Variants in TOR3A observed in about 807,000 individuals in gnomAD.
The protein encoded by TOR3A is torsin family 3 member A.
A neutral mutation model predicts 42.1 loss-of-function variants in TOR3A; 44 were observed. The ratio of observed to expected loss-of-function variants is 1.04; its 90% CI spans 0.82 to 1.34. TOR3A has a LOEUF of 1.34. Ranked by LOEUF, TOR3A falls within the 40% of genes most tolerant of loss-of-function variation. The pLI is 0.00. For synonymous variants in TOR3A, 227 were observed against 213.2 expected (o/e 1.06, Z -0.57); for missense variants, 521 against 507.6 (o/e 1.03, Z -0.25).
Position 179,082,174 on chromosome 1 carries a change from C to T in TOR3A, c.46C>T (p.Leu16=), listed in dbSNP as rs201971198. The change falls in exon 1 of 6, where the codon CTG becomes TTG. Residue 16 remains leucine (L), a synonymous_variant. Coordinates refer to ENST00000367627, the MANE Select transcript of TOR3A (RefSeq NM_022371.4). ...CCAGCTTTGGCTCTTTTTCCTGCTG[C>T]TGCTCCCGGGCGCGCCTGAGCCCCG... ...WRQLWLFFLL[L]LPGAPEPRGA... is the part of the protein sequence containing the mutation. 143 of 1,509,034 alleles carry T rather than the reference C, an allele frequency of 9.5e-5. No individual in the cohort carries two copies. In the African/African-American group the frequency reaches 1.8e-3, roughly 20 times the overall value. The allele number at this position is 1,509,034 out of a possible 1,614,324, so 93.5% of individuals were successfully genotyped here. A position where few individuals can be genotyped will look rare whatever the true frequency, so the allele number is the denominator to read the frequency against.
chr1:179,086,126 C>A (rs9659206), intron 3 of TOR3A, among the ~76,000 whole-genome samples: 56,224 of 152,080 alleles, frequency 0.37, 11,003 homozygotes, highest in African/African-American at 0.49. Context: ...ACTCGAGAGG[C>A]TGGACACTGC....
intron 3 of TOR3A, 99 bp downstream of exon 3, chr1:179,085,992 G>A (rs1203905972): frequency 6.8e-7 from 1 of 1,475,966 alleles, no homozygotes; most frequent in Non-Finnish European, 9.1e-7. Context: ...GAAGCCTGGG[G>A]AGGTGGGGAC....
chr1:179,095,153 G>T lies in TOR3A; in HGVS notation c.1129G>T (p.Glu377Ter). Residue 377 changes from glutamate to a stop codon, truncating the protein, a stop_gained, in exon 6 of 6, where the codon GAA (glutamate) becomes TAA (stop). Transcript: ENST00000367627. LOFTEE classifies it high-confidence loss of function. ...GATGATGGTGTATGTCCCCAAGGAGGAACAACTCTTTTCTTCCCAGGGCTG... is the reference window on the plus strand; with the variant it reads ...GATGATGGTGTATGTCCCCAAGGAGTAACAACTCTTTTCTTCCCAGGGCTG... ...AQMMVYVPKE[E>*]QLFSSQGCKS... The T allele has an allele frequency of 6.2e-7, 1 of 1,614,186 alleles. No individual in the cohort carries two copies. The highest frequency in any genetic ancestry group is 8.5e-7 in the Non-Finnish European group (1 of 1,180,038).
chr1:179,094,533 C>G (rs1399506117), intron 5 of TOR3A, among the ~76,000 whole-genome samples: 1 of 152,120 alleles, frequency 6.6e-6, no homozygotes, highest in African/African-American at 2.4e-5. Context: ...TCTTGACATA[C>G]GCTGCAGACA....
At chr1:179,085,557 T>G (rs912758) in intron 2 of TOR3A, 71 bp from the exon 3 acceptor site, 1,001,059 of 1,569,976 alleles carry the variant, frequency 0.64, 323,389 homozygotes, top group African/African-American at 0.88. Context: ...CTTGGTTTCT[T>G]GGCTGTTGGC....
At chr1:179,089,596 C>A (rs975573903) in intron 4 of TOR3A, among the ~76,000 whole-genome samples, 4 of 152,216 alleles carry the variant, frequency 2.6e-5, no homozygotes, top group African/African-American at 9.7e-5. Context: ...TCGGAGGCAG[C>A]CGGGCTCACC....
intron 4 of TOR3A, among the ~76,000 whole-genome samples, chr1:179,090,114 G>T (rs564788904): frequency 7.1e-6 from 1 of 140,038 alleles, no homozygotes; most frequent in Non-Finnish European, 1.6e-5. Context: ...GGCGGGGTGG[G>T]GGGGGGGGCC....
rs747881578 is a variant in TOR3A at position 179,082,095 on chromosome 1, G to A, written c.-34G>A. 38 of 1,434,654 alleles carry A rather than the reference G, an allele frequency of 2.6e-5. 1 individual carries two copies. In the South Asian group the frequency reaches 3.1e-4, roughly 12 times the overall value. 88.9% of individuals were successfully genotyped at this position (1,434,654 alleles called of 1,614,324 possible). A position where few individuals can be genotyped will look rare whatever the true frequency, so the allele number is the denominator to read the frequency against. ...GGGCTTAAGGGAGCCTGGCTAGGCC[G>A]GCAGCCGGATGGTCCCGCAGCTCGG... On this transcript the variant is annotated 5_prime_UTR_variant, in exon 1 of 6. Coordinates refer to ENST00000367627, the MANE Select transcript of TOR3A (RefSeq NM_022371.4).
Position 179,082,276 on chromosome 1 carries a change from G to T in TOR3A, c.148G>T (p.Glu50Ter), listed in dbSNP as rs573503710. ...WAWPGFQRLQ[E>*]QLRAAGALSK... Reference sequence around the variant, plus strand: ...CTGGCCGGGCTTCCAGCGCCTGCAGGAGCAGCTCAGGGCGGCGGGTGCCCT... The same window carrying T: ...CTGGCCGGGCTTCCAGCGCCTGCAGTAGCAGCTCAGGGCGGCGGGTGCCCT... The change falls in exon 1 of 6, where the codon GAG becomes TAG. Residue 50 changes from glutamate to a stop codon, truncating the protein, a stop_gained. Transcript: ENST00000367627. LOFTEE classifies it high-confidence loss of function. 7 of 1,569,406 alleles carry T rather than the reference G, an allele frequency of 4.5e-6. No individual in the cohort carries two copies.
At chr1:179,083,143 C>T in intron 2 of TOR3A, 90 bp downstream of exon 2, 1 of 714,774 alleles carries the variant, frequency 1.4e-6, no homozygotes. Context: ...GACCTTTCGT[C>T]ATCCTGCCCA....
In TOR3A at chr1:179,087,982, G is replaced by A. The variant is rs12092348; in HGVS notation, c.711G>A (p.Ala237=). 2.7e-3 allele frequency: 4,360 copies of A among 1,613,330 alleles called. 114 individuals carry two copies. The African/African-American group carries it at 0.05, about 18-fold the overall frequency. The change falls in exon 4 of 6, where the codon GCG becomes GCA. Residue 237 remains alanine, a synonymous_variant. Coordinates refer to ENST00000367627, the MANE Select transcript of TOR3A (RefSeq NM_022371.4). ...AGACCCTGTTCATCTTCGATGAAGC[G>A]GAGAAGCTGCACCCAGGGCTGCTGG... ...CHQTLFIFDE[A]EKLHPGLLEV... is the part of the protein sequence containing the mutation.
Position 179,095,639 on chromosome 1 carries a change from G to A in TOR3A, c.*421G>A. 1 of 1,030,094 alleles carries A rather than the reference G, an allele frequency of 9.7e-7. No individual in the cohort carries two copies. Among genetic ancestry groups the A allele is most frequent in the Non-Finnish European group, 1.2e-6 (1 of 857,848 alleles). The allele number at this position is 1,030,094 out of a possible 1,614,324, so 63.8% of individuals were successfully genotyped here. On this transcript the variant is annotated 3_prime_UTR_variant, in exon 6 of 6. Transcript: ENST00000367627. ...CATCTCAGCTCTTCTGCAAGGAAGA[G>A]CTTGGGTGTTAGGCCTCAGAGGCTG...
chr1:179,089,664 G>C (rs370856164), intron 4 of TOR3A, among the ~76,000 whole-genome samples: 1 of 152,226 alleles, frequency 6.6e-6, no homozygotes, highest in African/African-American at 2.4e-5. Context: ...AGCCTGAACA[G>C]AGGAGTCACC....
rs756045341 is a variant in TOR3A at position 179,095,240 on chromosome 1, G to A, written c.*22G>A. On this transcript the variant is annotated 3_prime_UTR_variant, in exon 6 of 6. Transcript: ENST00000367627. ...ATGAAGGCTAGAGGAAGACTTCCTG[G>A]AACTGCCTTTCTTCCACTAACAGGA... 45 of 1,612,440 alleles carry A rather than the reference G, an allele frequency of 2.8e-5. No individual in the cohort carries two copies. In the South Asian group the frequency reaches 4.8e-4, roughly 17 times the overall value.
In TOR3A at chr1:179,085,833, T is replaced by TGA. The variant is rs1652421061; in HGVS notation, c.580_581insAG (p.Val194GlufsTer24). The TGA allele has an allele frequency of 6.2e-7, 1 of 1,614,050 alleles. No homozygotes were observed. Among genetic ancestry groups the TGA allele is most frequent in the Admixed American group, 1.7e-5 (1 of 60,004 alleles). On this transcript the variant is annotated frameshift_variant, in exon 3 of 6. Transcript: ENST00000367627. LOFTEE classifies it high-confidence loss of function. Reference sequence around the variant, plus strand: ...ATCGGGACGGGCTGATGAGTGACTGTGTCAGGATGTTCATCGCCACGTTCC... The same window carrying TGA: ...ATCGGGACGGGCTGATGAGTGACTGTGAGTCAGGATGTTCATCGCCACGTTCC...
chr1:179,088,141 G>T lies in TOR3A; in HGVS notation c.818+52G>T, dbSNP rs776214839. Reference sequence around the variant, plus strand: ...AGGGCTGGGGGAGGGGAAGATACTAGCTGGCAGTGGAGGCTTCCACACGCC... The same window carrying T: ...AGGGCTGGGGGAGGGGAAGATACTATCTGGCAGTGGAGGCTTCCACACGCC... On this transcript the variant is annotated intron_variant, in intron 4 of 5. Transcript: ENST00000367627. The T allele has an allele frequency of 3.0e-5, 45 of 1,491,750 alleles. No individual in the cohort carries two copies. The Middle Eastern group carries it at 5.6e-4, about 18-fold the overall frequency. 92.4% of individuals were successfully genotyped at this position (1,491,750 alleles called of 1,614,324 possible). A position where few individuals can be genotyped will look rare whatever the true frequency, so the allele number is the denominator to read the frequency against.
chr1:179,091,090 C>A (rs1572576476), intron 4 of TOR3A, among the ~76,000 whole-genome samples: 1 of 152,298 alleles, frequency 6.6e-6, no homozygotes, highest in East Asian at 1.9e-4. Context: ...GAGTCTATGT[C>A]TGTTCTTTAG....
chr1:179,082,503 C>A, intron 1 of TOR3A, 116 bp downstream of exon 1: 1 of 1,408,544 alleles, frequency 7.1e-7, no homozygotes, highest in Non-Finnish European at 9.4e-7. Flanking sequence ...TCCTGCTCTG[C>A]TCAGCCGCCG....
chr1:179,087,774 T>C (rs1038094332), intron 3 of TOR3A, 137 bp from the exon 4 acceptor site: 20 of 693,088 alleles, frequency 2.9e-5, no homozygotes, highest in Non-Finnish European at 4.3e-5. Flanking sequence ...TTGGATTTGA[T>C]AGGTTCTGGC....
Sources: gnomAD v4.1 joint callset for allele counts (sites outside exome capture counted in the v4.1 genomes callset) on GRCh38, gnomAD v4.1.1 for gene constraint, MANE v1.5 for transcripts, NCBI Gene and HGNC (gene_info 2026-07-23, HGNC 2026-07-21) for gene names.